The following GALNT13 variants were observed in gnomAD, a reference collection of about 807,000 sequenced individuals.
GALNT13 encodes UDP-GalNAc:polypeptide N-acetylgalactosaminyltransferase 13.
Under a neutral mutation model 64.2 loss-of-function variants are expected in GALNT13, and 28 were observed. The ratio of observed to expected loss-of-function variants is 0.44; its 90% CI spans 0.32 to 0.60. The LOEUF is 0.60. Among genes scored for constraint, GALNT13 ranks in the 20% least tolerant of loss-of-function variants. GALNT13 has a pLI of 0.05. For synonymous variants in GALNT13, 214 were observed against 224.6 expected (o/e 0.95, Z 0.42); for missense variants, 577 against 669.8 (o/e 0.86, Z 1.53).
chr2:154,301,738 C>G, intron 9 of GALNT13, 149 bp downstream of exon 9: 2 of 540,252 alleles, frequency 3.7e-6, no homozygotes, highest in South Asian at 7.2e-5. Context: ...GAAAGTTGTA[C>G]TATGAAGTAA....
the GALNT13 span, among the ~76,000 whole-genome samples, chr2:153,274,754 T>C: frequency 6.6e-6 from 1 of 152,238 alleles, no homozygotes; most frequent in Non-Finnish European, 1.5e-5. Flanking sequence ...AGTCACGTTT[T>C]TAAATACTAA....
the GALNT13 span, among the ~76,000 whole-genome samples, chr2:153,086,696 GTATTTTATTT>G: frequency 6.6e-6 from 1 of 150,400 alleles, no homozygotes; most frequent in African/African-American, 2.5e-5. Context: ...CTATTCCTAA[GTATTTTATTT>G]TATTTTATTT....
At chr2:153,818,870 T>TCC in the GALNT13 span, among the ~76,000 whole-genome samples, 1 of 151,938 alleles carries the variant, frequency 6.6e-6, no homozygotes, top group African/African-American at 2.4e-5. Flanking sequence ...CTCAGGAGGC[T>TCC]CCCACTACCT....
At chr2:153,740,177 T>C in the GALNT13 span, among the ~76,000 whole-genome samples, 1 of 152,014 alleles carries the variant, frequency 6.6e-6, no homozygotes, top group Admixed American at 6.6e-5. Context: ...TCTTCAAATA[T>C]ATTTTCAACC....
the GALNT13 span, among the ~76,000 whole-genome samples, chr2:153,564,597 T>A: frequency 2.0e-5 from 3 of 151,648 alleles, no homozygotes; most frequent in Non-Finnish European, 4.4e-5. Flanking sequence ...AGGATTAGTT[T>A]TTTTTTTTTT....
chr2:154,286,926 G>A (rs1470157566), intron 8 of GALNT13: 1 of 512,424 alleles, frequency 2.0e-6, no homozygotes, highest in East Asian at 3.9e-5. Flanking sequence ...GCATCGGAGA[G>A]GACTACAATG....
chr2:153,193,652 T>TAAA, the GALNT13 span, among the ~76,000 whole-genome samples: 541 of 148,852 alleles, frequency 3.6e-3, 4 homozygotes, highest in African/African-American at 0.013. Context: ...TTCATTTTAA[T>TAAA]AAAAAAAAAA....
chr2:154,258,680 A>G (rs192498520), intron 7 of GALNT13, among the ~76,000 whole-genome samples: 90 of 152,180 alleles, frequency 5.9e-4, no homozygotes, highest in African/African-American at 1.7e-3. Flanking sequence ...TAGTTTCATG[A>G]CCAGCTAACC....
the GALNT13 span, among the ~76,000 whole-genome samples, chr2:153,094,612 G>A: frequency 1.3e-5 from 2 of 152,182 alleles, no homozygotes; most frequent in Non-Finnish European, 2.9e-5. Context: ...AAAGCTGGAG[G>A]CATCATGCTA....
At chr2:153,119,219 G>C in the GALNT13 span, among the ~76,000 whole-genome samples, 1 of 152,016 alleles carries the variant, frequency 6.6e-6, no homozygotes, top group African/African-American at 2.4e-5. Flanking sequence ...AGCAGCATGA[G>C]AATGAACTAA....
chr2:154,040,226 A>C (rs1698899740), intron 3 of GALNT13, among the ~76,000 whole-genome samples: 1 of 140,298 alleles, frequency 7.1e-6, no homozygotes, highest in Non-Finnish European at 1.6e-5. Flanking sequence ...GATAGGGTGA[A>C]CTAAAAGTCC....
the GALNT13 span, among the ~76,000 whole-genome samples, chr2:153,738,356 T>G: frequency 6.6e-6 from 1 of 152,054 alleles, no homozygotes; most frequent in African/African-American, 2.4e-5. Context: ...GAAAGTTGTA[T>G]AGTTCACTTC....
the GALNT13 span, among the ~76,000 whole-genome samples, chr2:153,858,933 C>T: frequency 2.0e-5 from 3 of 152,068 alleles, no homozygotes; most frequent in Non-Finnish European, 4.4e-5. Flanking sequence ...GGGATTTCGC[C>T]ATATTGGCCA....
chr2:153,831,846 T>C, the GALNT13 span, among the ~76,000 whole-genome samples: 1 of 152,288 alleles, frequency 6.6e-6, no homozygotes, highest in Admixed American at 6.5e-5. Flanking sequence ...ATTGTCTTCT[T>C]TGAACTCTGT....
At chr2:154,060,350 T>A (rs555665347) in intron 3 of GALNT13, among the ~76,000 whole-genome samples, 1 of 152,218 alleles carries the variant, frequency 6.6e-6, no homozygotes, top group Non-Finnish European at 1.5e-5. Context: ...TATCTTTATT[T>A]TTTATATTTA....
At chr2:153,663,594 C>T in the GALNT13 span, among the ~76,000 whole-genome samples, 3 of 152,174 alleles carry the variant, frequency 2.0e-5, no homozygotes, top group Non-Finnish European at 4.4e-5. Context: ...TGACAAACCT[C>T]ATCCAATTAA....
intron 4 of GALNT13, among the ~76,000 whole-genome samples, chr2:154,148,641 C>T (rs2105610058): frequency 6.6e-6 from 1 of 152,156 alleles, no homozygotes; most frequent in Admixed American, 6.5e-5. Flanking sequence ...GATGGTATCT[C>T]ATTGTGGTTT....
At chr2:153,546,983 T>C in the GALNT13 span, among the ~76,000 whole-genome samples, 1 of 152,218 alleles carries the variant, frequency 6.6e-6, no homozygotes, top group Non-Finnish European at 1.5e-5. Flanking sequence ...CTGAGTTCTA[T>C]TTATAAAGCT....
the GALNT13 span, among the ~76,000 whole-genome samples, chr2:153,551,414 T>G: frequency 6.6e-6 from 1 of 152,182 alleles, no homozygotes; most frequent in Non-Finnish European, 1.5e-5. Flanking sequence ...ATAGACCGTA[T>G]GGAGACCAGG....
Sources: allele counts gnomAD v4.1 joint callset (sites outside exome capture counted in the v4.1 genomes callset), GRCh38; gene constraint gnomAD v4.1.1; transcripts MANE v1.5; gene names NCBI Gene and HGNC (gene_info 2026-07-23, HGNC 2026-07-21).